Variants in TENM3 observed in about 807,000 individuals in gnomAD.
TENM3 encodes teneurin-3.
Under a neutral mutation model 255.1 loss-of-function variants are expected in TENM3, and 63 were observed. The observed-to-expected ratio is 0.25, with a 90% CI of 0.20 to 0.30. The LOEUF is 0.30. TENM3 is among the 10% of genes least tolerant of loss of function. The probability of loss-of-function intolerance (pLI) is 1.00; values close to 1 mark genes in which losing one functional copy is unlikely to be tolerated. For synonymous variants in TENM3, 1,306 were observed against 1,322.3 expected, an observed-to-expected ratio of 0.99 and a Z score of 0.27; for missense variants, 2,929 against 3,461.1, an observed-to-expected ratio of 0.85 and a Z score of 3.86.
chr4:182,455,941 A>G (rs573037937), intron 3 of TENM3, among the ~76,000 whole-genome samples: 6 of 152,232 alleles, frequency 3.9e-5, no homozygotes, highest in African/African-American at 1.4e-4. Flanking sequence ...CACTTAACAC[A>G]TTATCCTGTA....
the TENM3 span, among the ~76,000 whole-genome samples, chr4:181,893,171 C>T: frequency 6.6e-6 from 1 of 152,046 alleles, no homozygotes; most frequent in African/African-American, 2.4e-5. Context: ...TACATTGAAG[C>T]ATGCTTAAAT....
At chr4:182,539,539 AT>A (rs1428145974) in intron 3 of TENM3, among the ~76,000 whole-genome samples, 1 of 152,200 alleles carries the variant, frequency 6.6e-6, no homozygotes, top group Non-Finnish European at 1.5e-5. Context: ...ATAGAGAATT[AT>A]GAGTGCTCAA....
intron 3 of TENM3, among the ~76,000 whole-genome samples, chr4:182,405,389 C>T (rs1275387369): frequency 1.3e-5 from 2 of 152,166 alleles, no homozygotes; most frequent in African/African-American, 2.4e-5. Context: ...CTGATGAGAG[C>T]GTACCTAAGG....
Position 182,633,316 on chromosome 4 carries a change from G to C in TENM3, c.988+4427G>C, listed in dbSNP as rs370041804. On this transcript the variant is annotated intron_variant, in intron 5 of 27. Coordinates refer to ENST00000511685, the MANE Select transcript of TENM3 (RefSeq NM_001080477.4). Reference sequence around the variant, plus strand: ...CTATTTTTAAGTTAACATTTTCTTGGCCACTCTGATAGATGTCAGAGGTCC... The same window carrying C: ...CTATTTTTAAGTTAACATTTTCTTGCCCACTCTGATAGATGTCAGAGGTCC... 4.4e-4 allele frequency among the ~76,000 whole-genome samples: 67 copies of C among 152,168 alleles called. 1 individual carries two copies. The South Asian group carries it at 1.0e-2, about 23-fold the overall frequency.
rs1439933417 is a variant in TENM3, at chr4:182,789,977, A to T, written c.5601+588A>T. Among the ~76,000 whole-genome samples the T allele has an allele frequency of 6.6e-6, 1 of 152,228 alleles. No homozygotes were observed. The highest frequency in any genetic ancestry group is 1.9e-4 in the East Asian group (1 of 5,202). On this transcript the variant is annotated intron_variant, in intron 25 of 27. Coordinates refer to ENST00000511685, the MANE Select transcript of TENM3 (RefSeq NM_001080477.4). The surrounding 1 kb of genome is among the most constrained non-coding windows in gnomAD (Gnocchi z 4.4). Reference sequence around the variant, plus strand: ...TCCATTCTTGAGAACTATGCATAGTATCAAAAATGGAGACTTAGAATTACA... The same window carrying T: ...TCCATTCTTGAGAACTATGCATAGTTTCAAAAATGGAGACTTAGAATTACA...
At chr4:182,362,661 A>T (rs1305855689) in intron 3 of TENM3, among the ~76,000 whole-genome samples, 1 of 151,820 alleles carries the variant, frequency 6.6e-6, no homozygotes, top group African/African-American at 2.4e-5. Flanking sequence ...GAACTCCATG[A>T]CCCCTTGCAC....
chr4:181,905,663 T>TCTA, the TENM3 span: 94,587 of 168,252 alleles, frequency 0.56, 27,115 homozygotes, highest in East Asian at 0.67. Flanking sequence ...ACACTATTTA[T>TCTA]TTATTTATTC....
the TENM3 span, among the ~76,000 whole-genome samples, chr4:181,698,788 C>A: frequency 1.3e-5 from 2 of 152,128 alleles, no homozygotes; most frequent in African/African-American, 4.8e-5. Context: ...CTATATATTA[C>A]TATTTGTCAT....
the TENM3 span, among the ~76,000 whole-genome samples, chr4:181,806,248 G>A: frequency 6.6e-6 from 1 of 152,222 alleles, no homozygotes; most frequent in East Asian, 1.9e-4. Flanking sequence ...TGTCATTGAA[G>A]CCCCAAGGAG....
chr4:182,295,261 CTTTTTTT>C (rs752005972), intron 1 of TENM3, among the ~76,000 whole-genome samples: 12 of 70,442 alleles, frequency 1.7e-4, no homozygotes, highest in African/African-American at 4.1e-4. Context: ...CTTTGCTTTT[CTTTTTTT>C]TTTTTTTTTT....
At chr4:182,269,261 C>T (rs960194835) in intron 1 of TENM3, among the ~76,000 whole-genome samples, 6 of 151,866 alleles carry the variant, frequency 4.0e-5, no homozygotes, top group African/African-American at 7.3e-5. Flanking sequence ...CATGGATGAG[C>T]GAGGCATGTC....
chr4:181,938,883 G>C, the TENM3 span, among the ~76,000 whole-genome samples: 1 of 152,094 alleles, frequency 6.6e-6, no homozygotes, highest in Admixed American at 6.5e-5. Context: ...TTTGTGAAAG[G>C]GCTTTTGGAA....
At chr4:182,007,810 T>G in the TENM3 span, among the ~76,000 whole-genome samples, 8 of 152,340 alleles carry the variant, frequency 5.3e-5, no homozygotes, top group Non-Finnish European at 1.0e-4. Flanking sequence ...TACAGTTTCT[T>G]TGTAGTGTCA....
At chr4:181,879,399 A>G in the TENM3 span, among the ~76,000 whole-genome samples, 1 of 152,078 alleles carries the variant, frequency 6.6e-6, no homozygotes, top group Non-Finnish European at 1.5e-5. Context: ...GTTTTCAATG[A>G]CCTTCTTAAC....
At chr4:182,287,289 G>T in intron 1 of TENM3, among the ~76,000 whole-genome samples, 1 of 152,206 alleles carries the variant, frequency 6.6e-6, no homozygotes, top group South Asian at 2.1e-4. Flanking sequence ...GCCCCTGCCT[G>T]GTTCTCTGTC....
chr4:181,776,439 G>A, the TENM3 span, among the ~76,000 whole-genome samples: 5 of 152,084 alleles, frequency 3.3e-5, no homozygotes, highest in African/African-American at 1.2e-4. Flanking sequence ...ATACCTAGCA[G>A]TGTGATTGCT....
chr4:182,263,819 G>C (rs1199015348), intron 1 of TENM3, among the ~76,000 whole-genome samples: 3 of 152,198 alleles, frequency 2.0e-5, no homozygotes, highest in Non-Finnish European at 2.9e-5. Flanking sequence ...GATTAAAGAT[G>C]ACGGGGCTCA....
At chr4:182,119,772 C>A in the TENM3 span, among the ~76,000 whole-genome samples, 1 of 152,078 alleles carries the variant, frequency 6.6e-6, no homozygotes, top group South Asian at 2.1e-4. Flanking sequence ...AGTGACATGA[C>A]CAAGGCTCCC....
the TENM3 span, among the ~76,000 whole-genome samples, chr4:181,845,921 T>C: frequency 1.0e-3 from 159 of 152,306 alleles, no homozygotes; most frequent in African/African-American, 3.6e-3. Context: ...TCTTTCCTAT[T>C]GGCATCTTGC....
Sources: gnomAD v4.1 joint callset for allele counts (sites outside exome capture counted in the v4.1 genomes callset) on GRCh38, gnomAD v4.1.1 for gene constraint, Gnocchi (gnomAD v3.1) non-coding constraint, MANE v1.5 for transcripts, NCBI Gene and HGNC (gene_info 2026-07-23, HGNC 2026-07-21) for gene names.